The following ZNF385D variants were observed in gnomAD, a reference collection of about 807,000 sequenced individuals.
The protein encoded by ZNF385D is zinc finger protein 385D.
In ZNF385D, 15 loss-of-function variants were observed where a neutral mutation model predicts 35.8. That is an observed-to-expected ratio of 0.42 (90% confidence interval 0.28 to 0.64). The LOEUF is 0.64. Ranked by LOEUF, ZNF385D falls within the 30% of genes least tolerant of loss-of-function variation. ZNF385D has a pLI of 0.23. For synonymous variants in ZNF385D, 212 were observed against 186.8 expected, an observed-to-expected ratio of 1.13 and a Z score of -1.10; for missense variants, 474 against 494.6, an observed-to-expected ratio of 0.96 and a Z score of 0.39.
chr3:21,496,863 A>T (rs1249423726), intron 4 of ZNF385D, among the ~76,000 whole-genome samples: 3 of 152,134 alleles, frequency 2.0e-5, no homozygotes, highest in Non-Finnish European at 4.4e-5. Flanking sequence ...ATCTTATAAA[A>T]AACTCTCAAC....
At chr3:21,931,811 C>A (rs1004956567) in intron 3 of ZNF385D, among the ~76,000 whole-genome samples, 1 of 152,084 alleles carries the variant, frequency 6.6e-6, no homozygotes, top group African/African-American at 2.4e-5. Context: ...TTGGATTGTA[C>A]ACTTAAGTGA....
intron 1 of ZNF385D, among the ~76,000 whole-genome samples, chr3:21,727,669 G>A (rs971546491): frequency 6.6e-6 from 1 of 152,178 alleles, no homozygotes; most frequent in African/African-American, 2.4e-5. Flanking sequence ...GGAAACAACA[G>A]ATGCTGGAGA....
At chr3:21,967,591 T>C (rs1157553797) in intron 3 of ZNF385D, among the ~76,000 whole-genome samples, 1 of 152,340 alleles carries the variant, frequency 6.6e-6, no homozygotes. Flanking sequence ...CATTGGCTTC[T>C]TCCTCAGGTC....
chr3:22,029,315 T>C (rs1262227318), intron 3 of ZNF385D, among the ~76,000 whole-genome samples: 2 of 152,108 alleles, frequency 1.3e-5, no homozygotes, highest in African/African-American at 4.8e-5. Context: ...AGGAGATCCA[T>C]TAGGGCTTCT....
At chr3:21,841,167 T>C (rs3912513) in intron 3 of ZNF385D, among the ~76,000 whole-genome samples, 31,319 of 151,996 alleles carry the variant, frequency 0.21, 3,367 homozygotes, top group East Asian at 0.29. Flanking sequence ...TTGTGTTTTT[T>C]ACTAAACTGC....
chr3:22,197,028 T>G (rs1440273390), intron 2 of ZNF385D, among the ~76,000 whole-genome samples: 2 of 152,122 alleles, frequency 1.3e-5, no homozygotes, highest in African/African-American at 4.8e-5. Context: ...GTAAGTATTA[T>G]TCCATAAAAT....
chr3:22,049,553 G>A (rs1699217687), intron 3 of ZNF385D, among the ~76,000 whole-genome samples: 2 of 151,960 alleles, frequency 1.3e-5, no homozygotes, highest in African/African-American at 4.8e-5. Context: ...CTAGTACTAT[G>A]TTTATTAAAA....
At chr3:21,818,723 T>C (rs1334874882) in intron 3 of ZNF385D, among the ~76,000 whole-genome samples, 3 of 152,072 alleles carry the variant, frequency 2.0e-5, no homozygotes, top group African/African-American at 4.8e-5. Flanking sequence ...CTCTATTAGG[T>C]CATATGTTGA....
At chr3:21,808,346 C>A (rs1242928481) in intron 3 of ZNF385D, among the ~76,000 whole-genome samples, 1 of 152,170 alleles carries the variant, frequency 6.6e-6, no homozygotes, top group Admixed American at 6.5e-5. Flanking sequence ...AATTTACCTT[C>A]CCTCCTCCAG....
chr3:22,361,621 A>T (rs1249297459), intron 2 of ZNF385D, among the ~76,000 whole-genome samples: 2 of 152,026 alleles, frequency 1.3e-5, no homozygotes, highest in African/African-American at 4.8e-5. Flanking sequence ...TTCATGTACT[A>T]TCATTTTCCT....
intron 4 of ZNF385D, among the ~76,000 whole-genome samples, chr3:21,460,567 T>G (rs183503386): frequency 6.6e-6 from 1 of 152,198 alleles, no homozygotes; most frequent in Non-Finnish European, 1.5e-5. Flanking sequence ...AATCTTTCTA[T>G]ATAATCTCAT....
chr3:21,606,401 T>C (rs2064484860), intron 2 of ZNF385D, among the ~76,000 whole-genome samples: 1 of 152,202 alleles, frequency 6.6e-6, no homozygotes, highest in Non-Finnish European at 1.5e-5. Flanking sequence ...TTCTTTTTCT[T>C]ATTAGTGCCC....
At chr3:21,911,340 G>A (rs907328648) in intron 3 of ZNF385D, among the ~76,000 whole-genome samples, 1 of 151,956 alleles carries the variant, frequency 6.6e-6, no homozygotes, top group African/African-American at 2.4e-5. Context: ...AAGTCAAAGA[G>A]AATGTAAAGT....
chr3:22,125,963 G>A (rs1325013583), intron 3 of ZNF385D, among the ~76,000 whole-genome samples: 2 of 152,130 alleles, frequency 1.3e-5, no homozygotes, highest in Non-Finnish European at 2.9e-5. Context: ...AATAACAGTG[G>A]TGACAGTGGG....
intron 3 of ZNF385D, among the ~76,000 whole-genome samples, chr3:21,991,623 A>G (rs570635199): frequency 6.6e-6 from 1 of 152,208 alleles, no homozygotes; most frequent in Non-Finnish European, 1.5e-5. Context: ...AGCTAATAAG[A>G]CAAAGAACTG....
intron 3 of ZNF385D, among the ~76,000 whole-genome samples, chr3:21,760,750 A>G (rs2070568599): frequency 1.3e-5 from 2 of 152,214 alleles, no homozygotes; most frequent in Admixed American, 6.5e-5. Context: ...ACTGACTACT[A>G]GAAAGCAGCT....
intron 3 of ZNF385D, among the ~76,000 whole-genome samples, chr3:22,132,205 G>T (rs897373603): frequency 9.9e-5 from 15 of 152,202 alleles, no homozygotes; most frequent in African/African-American, 3.6e-4. Flanking sequence ...CACAAGGGTA[G>T]AACCCTAATG....
chr3:22,353,318 C>T (rs561850810), intron 2 of ZNF385D, among the ~76,000 whole-genome samples: 12 of 152,276 alleles, frequency 7.9e-5, no homozygotes, highest in African/African-American at 2.6e-4. Flanking sequence ...CTTTGAATTC[C>T]ACCATGTCTC....
At chr3:22,351,719 G>GT (rs1695924211) in intron 2 of ZNF385D, among the ~76,000 whole-genome samples, 2 of 152,096 alleles carry the variant, frequency 1.3e-5, no homozygotes, top group Non-Finnish European at 2.9e-5. Context: ...GCACATTAAA[G>GT]ATTAACTCAT....
Sources: gnomAD v4.1 joint callset for allele counts (sites outside exome capture counted in the v4.1 genomes callset) on GRCh38, gnomAD v4.1.1 for gene constraint, MANE v1.5 for transcripts, NCBI Gene and HGNC (gene_info 2026-07-23, HGNC 2026-07-21) for gene names.